The following SLC45A4 variants were observed in gnomAD, a reference collection of about 807,000 sequenced individuals.
The protein encoded by SLC45A4 is polyamine-transporter SLC45A4.
Under a neutral mutation model 63.7 loss-of-function variants are expected in SLC45A4, and 32 were observed. The ratio of observed to expected loss-of-function variants is 0.50; its 90% CI spans 0.38 to 0.67. SLC45A4 has a LOEUF of 0.67. Among genes scored for constraint, SLC45A4 ranks in the 30% least tolerant of loss-of-function variants. SLC45A4 has a pLI of 0.00. For synonymous variants in SLC45A4, 535 were observed against 510.0 expected (o/e 1.05, Z -0.66); for missense variants, 1,027 against 1,157.7 (o/e 0.89, Z 1.64).
chr8:141,253,724 G>A (rs949576550), intron 2 of SLC45A4, among the ~76,000 whole-genome samples: 6 of 152,204 alleles, frequency 3.9e-5, no homozygotes, highest in Non-Finnish European at 8.8e-5. Flanking sequence ...ACTTATCAGT[G>A]CCAATTCTGC....
intron 1 of SLC45A4, among the ~76,000 whole-genome samples, chr8:141,307,510 G>C (rs1830934124): frequency 6.7e-6 from 1 of 150,146 alleles, no homozygotes; most frequent in Non-Finnish European, 1.5e-5. Flanking sequence ...GCACTGGGCA[G>C]AGGGAAAGGA....
In SLC45A4 at chr8:141,211,460, GC is replaced by G. The variant is rs761729310; in HGVS notation, c.*111del. 7.5e-6 allele frequency: 12 copies of G among 1,593,304 alleles called. No individual in the cohort carries two copies. The highest frequency in any genetic ancestry group is 2.3e-5 in the East Asian group (1 of 44,430). On this transcript the variant is annotated 3_prime_UTR_variant, in exon 9 of 9. Coordinates refer to ENST00000517878, the MANE Select transcript of SLC45A4 (RefSeq NM_001286646.2). ...CTGCAAATCACTGTCTTCTGCCCAG[GC>G]CCCCCGGACCAGCCTCCTCCCAGCT...
At chr8:141,228,040 T>G (rs2154614206) in intron 2 of SLC45A4, 2 of 1,026,904 alleles carry the variant, frequency 1.9e-6, no homozygotes, top group Middle Eastern at 2.8e-4. Flanking sequence ...GCGCCTCATT[T>G]CTAGAGGGTG....
rs890305680 is a variant in SLC45A4 at position 141,229,517 on chromosome 8, C to G, written c.242-7752G>C. On this transcript the variant is annotated intron_variant, in intron 2 of 8. Transcript: ENST00000517878. This position sits in a 1 kb window ranked among gnomAD's most constrained non-coding sequence, Gnocchi z 5.0. Reference sequence around the variant, plus strand: ...GGGTAGGGGCAGCTCCCCTGGTGTCCAGGCACTCCCTTGTCAAGGCCACAA... The same window carrying G: ...GGGTAGGGGCAGCTCCCCTGGTGTCGAGGCACTCCCTTGTCAAGGCCACAA... Among the ~76,000 whole-genome samples the G allele has an allele frequency of 6.6e-6, 1 of 152,168 alleles. No homozygotes were observed. The highest frequency in any genetic ancestry group is 2.4e-5 in the African/African-American group (1 of 41,442).
At chr8:141,273,555 C>T (rs1235346082) in intron 1 of SLC45A4, among the ~76,000 whole-genome samples, 5 of 152,174 alleles carry the variant, frequency 3.3e-5, no homozygotes, top group East Asian at 1.9e-4. Flanking sequence ...CCTGACAGCA[C>T]GCGAAGCAGC....
intron 1 of SLC45A4, among the ~76,000 whole-genome samples, chr8:141,271,875 G>A (rs932570748): frequency 6.6e-6 from 1 of 150,868 alleles, no homozygotes; most frequent in African/African-American, 2.5e-5. Context: ...ACTCACACAC[G>A]TGCATGCAAC....
intron 2 of SLC45A4, 74 bp from the exon 3 acceptor site, chr8:141,221,839 C>T (rs779812312): frequency 2.7e-5 from 41 of 1,528,438 alleles, no homozygotes; most frequent in South Asian, 4.7e-5. Context: ...GGGAGCCCCG[C>T]GACAGGCAGG....
chr8:141,211,637 C>A lies in SLC45A4; in HGVS notation c.2362G>T (p.Glu788Ter), dbSNP rs1371714129. The change falls in exon 9 of 9, where the codon GAG becomes TAG. Residue 788 changes from glutamate (E) to a stop codon, truncating the protein, a stop_gained. Transcript: ENST00000517878. LOFTEE classifies it low-confidence loss of function (END_TRUNC). Reference sequence around the variant, plus strand: ...AAATAATCATAAAGAAAAATACTCTCCAACAGCTGCGGCACCAGCCAATGT... The same window carrying A: ...AAATAATCATAAAGAAAAATACTCTACAACAGCTGCGGCACCAGCCAATGT... ...SSHWLVPQLL[E>*]SIFLYDYFRK... The A allele has an allele frequency of 1.2e-6, 2 of 1,611,192 alleles. No individual in the cohort carries two copies. Among genetic ancestry groups the A allele is most frequent in the Middle Eastern group, 3.3e-4 (2 of 6,062 alleles).
Position 141,212,447 on chromosome 8 carries a change from C to G in SLC45A4, c.2051G>C (p.Gly684Ala). Reference sequence around the variant, plus strand: ...GACAGTCCCCACGGCGTCGACCACGCCCCCAAGGGCAGAGGCCACCAGGAT... The same window carrying G: ...GACAGTCCCCACGGCGTCGACCACGGCCCCAAGGGCAGAGGCCACCAGGAT... The part of the protein sequence containing the change: ...SQILVASALG[G>A]VVDAVGTVRV... Residue 684 changes from glycine to alanine, a missense_variant, in exon 8 of 9, where the codon GGC becomes GCC. Gly to Ala is a moderately conservative substitution (Grantham distance 60). Transcript: ENST00000517878. The G allele has an allele frequency of 6.2e-7, 1 of 1,613,822 alleles. No individual in the cohort carries two copies. The highest frequency in any genetic ancestry group is 8.5e-7 in the Non-Finnish European group (1 of 1,180,034).
intron 1 of SLC45A4, among the ~76,000 whole-genome samples, chr8:141,281,882 A>T (rs138041600): frequency 6.9e-6 from 1 of 144,494 alleles, no homozygotes; most frequent in African/African-American, 2.7e-5. Context: ...ACTGGTTATC[A>T]GAAAGCCAGT....
chr8:141,287,868 G>A (rs182326202), intron 1 of SLC45A4, among the ~76,000 whole-genome samples: 15 of 152,278 alleles, frequency 9.9e-5, no homozygotes, highest in African/African-American at 2.6e-4. Flanking sequence ...AGGAGGGCCC[G>A]GGCCAGGGGC....
intron 1 of SLC45A4, among the ~76,000 whole-genome samples, chr8:141,267,469 C>T (rs897799309): frequency 6.6e-6 from 1 of 152,200 alleles, no homozygotes; most frequent in Admixed American, 6.5e-5. Flanking sequence ...CCGGACAGTG[C>T]CAGGGAATTG....
chr8:141,239,825 C>T (rs931407388), intron 2 of SLC45A4, among the ~76,000 whole-genome samples: 15 of 152,176 alleles, frequency 9.9e-5, no homozygotes, highest in African/African-American at 3.6e-4. Context: ...TGACTCAGTG[C>T]GGGGCTGAGG....
At chr8:141,222,546 C>G (rs183115684) in intron 2 of SLC45A4, among the ~76,000 whole-genome samples, 52 of 152,356 alleles carry the variant, frequency 3.4e-4, no homozygotes, top group Admixed American at 2.0e-3. Context: ...CAGCCCAGGG[C>G]TACCTGATTT....
intron 1 of SLC45A4, among the ~76,000 whole-genome samples, chr8:141,306,673 A>G (rs1016381557): frequency 6.6e-6 from 1 of 152,258 alleles, no homozygotes; most frequent in Admixed American, 6.5e-5. Flanking sequence ...CCAGCACAAA[A>G]TAACAGAAGG....
intron 1 of SLC45A4, among the ~76,000 whole-genome samples, chr8:141,280,428 A>C (rs1378322427): frequency 6.6e-6 from 1 of 152,264 alleles, no homozygotes; most frequent in Non-Finnish European, 1.5e-5. Flanking sequence ...ATTCAAGCTT[A>C]GATTTGATTC....
intron 4 of SLC45A4, 89 bp from the exon 5 acceptor site, chr8:141,219,118 G>A: frequency 6.9e-7 from 1 of 1,458,190 alleles, no homozygotes; most frequent in East Asian, 2.3e-5. Flanking sequence ...CTAACAGGGG[G>A]CCGGGGCTGC....
chr8:141,259,172 C>A (rs1563653574), intron 1 of SLC45A4, among the ~76,000 whole-genome samples: 1 of 152,226 alleles, frequency 6.6e-6, no homozygotes, highest in East Asian at 1.9e-4. Flanking sequence ...GGGAGACCAG[C>A]ATCTGGGTGG....
chr8:141,228,338 T>A lies in SLC45A4; in HGVS notation c.242-6573A>T. The stretch of plus-strand genomic sequence containing the variant: ...TCCCAGGGGGCCACTGTTTCTCCTC[T>A]TCAACAAGGAGGGGCGCCTCAACAG... On this transcript the variant is annotated intron_variant, in intron 2 of 8. Coordinates refer to ENST00000517878, the MANE Select transcript of SLC45A4 (RefSeq NM_001286646.2). The A allele has an allele frequency of 2.5e-6, 4 of 1,588,732 alleles. No individual in the cohort carries two copies. In the South Asian group the frequency reaches 3.3e-5, roughly 13 times the overall value.
Sources: allele counts gnomAD v4.1 joint callset (sites outside exome capture counted in the v4.1 genomes callset), GRCh38; gene constraint gnomAD v4.1.1; non-coding constraint Gnocchi (gnomAD v3.1); transcripts MANE v1.5; gene names NCBI Gene and HGNC (gene_info 2026-07-23, HGNC 2026-07-21).